CRIM1: variants seen among roughly 807,000 people sequenced by gnomAD.
CRIM1 encodes cysteine-rich motor neuron 1 protein.
Under a neutral mutation model 116.4 loss-of-function variants are expected in CRIM1, and 32 were observed. The observed-to-expected ratio is 0.27, with a 90% CI of 0.21 to 0.37. The LOEUF is 0.37. Among genes scored for constraint, CRIM1 ranks in the 10% least tolerant of loss-of-function variants. The probability of loss-of-function intolerance (pLI) is 1.00; values close to 1 mark genes in which losing one functional copy is unlikely to be tolerated. For missense variants in CRIM1, 1,331 were observed against 1,354.8 expected (o/e 0.98, Z 0.28); for synonymous variants, 590 against 509.2 (o/e 1.16, Z -2.13).
rs189921474 is a variant in CRIM1, at chr2:36,431,291, T to C, written c.506-9967T>C. ...TGAAATGTTTTTATACTTACACACT[T>C]TATATTTTACATAATATGAAAAAGT... On this transcript the variant is annotated intron_variant, in intron 2 of 16. Transcript: ENST00000280527. 5.3e-5 allele frequency among the ~76,000 whole-genome samples: 8 copies of C among 152,366 alleles called. No individual in the cohort carries two copies. The South Asian group carries it at 1.0e-3, about 20-fold the overall frequency.
intron 1 of CRIM1, among the ~76,000 whole-genome samples, chr2:36,382,783 A>G (rs3770946): frequency 0.63 from 95,602 of 152,084 alleles, 31,067 homozygotes; most frequent in East Asian, 0.99. Flanking sequence ...GTTCAAAGCA[A>G]TGGAATGAAC....
chr2:36,406,838 A>G (rs1672844680), intron 2 of CRIM1, among the ~76,000 whole-genome samples: 1 of 152,172 alleles, frequency 6.6e-6, no homozygotes, highest in South Asian at 2.1e-4. Context: ...TGAAAGTGGT[A>G]TTATGCTTGT....
intron 12 of CRIM1, among the ~76,000 whole-genome samples, chr2:36,519,426 C>T (rs1665236118): frequency 1.3e-5 from 2 of 152,128 alleles, no homozygotes; most frequent in South Asian, 4.1e-4. Context: ...TTCTTTACCT[C>T]TAACTAAAGG....
At chr2:36,436,477 T>A (rs1391711942) in intron 2 of CRIM1, among the ~76,000 whole-genome samples, 1 of 152,190 alleles carries the variant, frequency 6.6e-6, no homozygotes, top group East Asian at 1.9e-4. Flanking sequence ...GTTAAAAACA[T>A]AGCTTTGAAA....
intron 5 of CRIM1, among the ~76,000 whole-genome samples, chr2:36,468,861 A>G (rs959874667): frequency 1.3e-5 from 2 of 152,150 alleles, no homozygotes; most frequent in African/African-American, 2.4e-5. Context: ...AGATACGAGC[A>G]TTTGTCCAAC....
intron 13 of CRIM1, among the ~76,000 whole-genome samples, chr2:36,528,640 T>G (rs1665915553): frequency 6.6e-6 from 1 of 152,138 alleles, no homozygotes; most frequent in African/African-American, 2.4e-5. Context: ...TTCAGTGCTG[T>G]CAGTTACTGT....
chr2:36,414,406 T>TATTC (rs1158359426), intron 2 of CRIM1, among the ~76,000 whole-genome samples: 1 of 152,224 alleles, frequency 6.6e-6, no homozygotes, highest in Non-Finnish European at 1.5e-5. Context: ...CTTAATCTGT[T>TATTC]ATTCATTCAT....
At chr2:36,480,971 A>T (rs1309053095) in intron 7 of CRIM1, among the ~76,000 whole-genome samples, 2 of 152,234 alleles carry the variant, frequency 1.3e-5, no homozygotes, top group Non-Finnish European at 2.9e-5. Flanking sequence ...ACTGAAGCAG[A>T]TGAAGATAAG....
intron 8 of CRIM1, among the ~76,000 whole-genome samples, chr2:36,502,419 C>G (rs748107923): frequency 5.3e-5 from 8 of 152,206 alleles, no homozygotes; most frequent in Non-Finnish European, 1.0e-4. Flanking sequence ...CTGTTTCATT[C>G]ACACTTAGGA....
chr2:36,475,165 T>TG (rs1281741559), intron 5 of CRIM1, among the ~76,000 whole-genome samples: 54 of 152,378 alleles, frequency 3.5e-4, no homozygotes, highest in African/African-American at 1.2e-3. Flanking sequence ...GAGATTGCAT[T>TG]GAACATGTAG....
intron 2 of CRIM1, among the ~76,000 whole-genome samples, chr2:36,419,489 A>T (rs1373014405): frequency 6.6e-6 from 1 of 152,180 alleles, no homozygotes. Flanking sequence ...GGTAGTTTTG[A>T]TATTAGCTAC....
rs868339630 is a variant in CRIM1 at position 36,546,790 on chromosome 2, T to A, written c.2747-194T>A. ...TTTTTTTTTTTTTTTTTTTTTTTTT[T>A]AACATTCATCCCTAAGCGCTCTGCT... On this transcript the variant is annotated intron_variant, in intron 15 of 16. Transcript: ENST00000280527. Among the ~76,000 whole-genome samples, 27 of 130,480 alleles carry A rather than the reference T, an allele frequency of 2.1e-4. No individual in the cohort carries two copies. Among genetic ancestry groups the A allele is most frequent in the Non-Finnish European group, 3.0e-4 (19 of 62,330 alleles). 85.6% of individuals were successfully genotyped at this position (130,480 alleles called of 152,430 possible). A position where few individuals can be genotyped will look rare whatever the true frequency, so the allele number is the denominator to read the frequency against.
At chr2:36,430,753 G>A (rs535819992) in intron 2 of CRIM1, among the ~76,000 whole-genome samples, 10 of 152,206 alleles carry the variant, frequency 6.6e-5, no homozygotes, top group African/African-American at 2.4e-4. Flanking sequence ...CTCTGGGAGG[G>A]GTCTGCAGAA....
intron 1 of CRIM1, among the ~76,000 whole-genome samples, chr2:36,387,541 A>G (rs371692091): frequency 9.3e-4 from 141 of 152,322 alleles, no homozygotes; most frequent in African/African-American, 1.2e-3. Context: ...CTTGGAAACT[A>G]TTGGATTTTA....
In CRIM1 at chr2:36,548,558, G is replaced by C; in HGVS notation, c.2968G>C (p.Asp990His). The C allele has an allele frequency of 6.3e-7, 1 of 1,596,316 alleles. No individual in the cohort carries two copies. Among genetic ancestry groups the C allele is most frequent in the Non-Finnish European group, 8.5e-7 (1 of 1,174,964 alleles). ...SSLNNQLVSVDCKKGTRVQVD... is the reference protein window; with the variant it reads ...SSLNNQLVSVHCKKGTRVQVD... ...CTTAAATAATCAGCTAGTATCTGTG[G>C]ACTGCAAGAAAGGAACCAGAGTCCA... Residue 990 changes from aspartate (D) to histidine (H), a missense_variant, in exon 17 of 17, where the codon GAC (aspartate) becomes CAC (histidine). By Grantham distance (81) the Asp-to-His change is moderately conservative (BLOSUM62 -1). Transcript: ENST00000280527.
At chr2:36,517,172 A>G (rs1665085207) in intron 11 of CRIM1, among the ~76,000 whole-genome samples, 155 bp from the exon 12 acceptor site, 1 of 152,190 alleles carries the variant, frequency 6.6e-6, no homozygotes, top group Non-Finnish European at 1.5e-5. Context: ...GTTTCCATGC[A>G]TGGAATATTT....
intron 2 of CRIM1, among the ~76,000 whole-genome samples, chr2:36,410,395 T>C (rs1673115556): frequency 6.6e-6 from 1 of 152,222 alleles, no homozygotes; most frequent in Non-Finnish European, 1.5e-5. Flanking sequence ...TGTGTCTTTT[T>C]CTTAATATAT....
intron 4 of CRIM1, among the ~76,000 whole-genome samples, chr2:36,462,684 A>G (rs1320929763): frequency 6.6e-6 from 1 of 152,132 alleles, no homozygotes; most frequent in African/African-American, 2.4e-5. Flanking sequence ...GGATGCTTTC[A>G]TTGTAATCAC....
At chr2:36,446,017 T>C (rs1285077744) in intron 4 of CRIM1, among the ~76,000 whole-genome samples, 2 of 152,218 alleles carry the variant, frequency 1.3e-5, no homozygotes, top group Non-Finnish European at 2.9e-5. Context: ...AAGCTGATTA[T>C]GTGGAGAAAT....
Sources: gnomAD v4.1 joint callset for allele counts (sites outside exome capture counted in the v4.1 genomes callset) on GRCh38, gnomAD v4.1.1 for gene constraint, MANE v1.5 for transcripts, NCBI Gene and HGNC (gene_info 2026-07-23, HGNC 2026-07-21) for gene names.